Variants in CORO1C observed in about 807,000 individuals in gnomAD.
The protein encoded by CORO1C is coronin-1C.
CORO1C carries 14 observed loss-of-function variants against 51.2 expected under a neutral mutation model. The observed-to-expected ratio is 0.27, with a 90% CI of 0.18 to 0.43. The LOEUF is 0.43. CORO1C is among the 20% of genes least tolerant of loss of function. CORO1C has a pLI of 1.00. For missense variants in CORO1C, 417 were observed against 607.8 expected (o/e 0.69, Z 3.30); for synonymous variants, 181 against 210.5 (o/e 0.86, Z 1.21).
chr12:108,729,732 A>AT (rs2136895581), intron 1 of CORO1C, among the ~76,000 whole-genome samples: 1 of 152,362 alleles, frequency 6.6e-6, no homozygotes, highest in East Asian at 1.9e-4. Context: ...TCTGAAATGT[A>AT]TAGAACCAAG....
At position 108,695,851 on chromosome 12, in the gene CORO1C, T is replaced by TAAAAAAAA. The variant is rs924887183; in HGVS notation, c.195+5265_195+5272dup. Among the ~76,000 whole-genome samples the TAAAAAAAA allele has an allele frequency of 2.3e-3, 143 of 62,454 alleles. 7 individuals are homozygous for TAAAAAAAA. The highest frequency in any genetic ancestry group is 6.7e-3 in the African/African-American group (122 of 18,156). 41.0% of individuals were successfully genotyped at this position (62,454 alleles called of 152,430 possible). A position where few individuals can be genotyped will look rare whatever the true frequency, so the allele number is the denominator to read the frequency against. On this transcript the variant is annotated intron_variant, in intron 2 of 10. Transcript: ENST00000261401. ...GGCTATGTATCACCCTTGGGAGAAC[T>TAAAAAAAA]AAAAAAAAAAAAAAAAAAAAAAAAC...
rs10450768 is a variant in CORO1C at position 108,646,736 on chromosome 12, C to T, written c.*667G>A. 63 of 152,514 alleles carry T rather than the reference C, an allele frequency of 4.1e-4. No individual in the cohort carries two copies. Among genetic ancestry groups the T allele is most frequent in the African/African-American group, 1.4e-3 (60 of 41,560 alleles). 9.4% of individuals were successfully genotyped at this position (152,514 alleles called of 1,614,324 possible). ...TGAGAGCGGTGGTAATATGAATCCA[C>T]GTGATTTTTCAAGTCTTCCTGTTGT... On this transcript the variant is annotated 3_prime_UTR_variant, in exon 11 of 11. Coordinates refer to ENST00000261401, the MANE Select transcript of CORO1C (RefSeq NM_014325.4).
chr12:108,649,782 C>T (rs1485823274), intron 8 of CORO1C: 2 of 152,232 alleles, frequency 1.3e-5, no homozygotes, highest in African/African-American at 4.8e-5. Context: ...GTCTCTAAAG[C>T]TCCTGGCAAG....
In CORO1C at chr12:108,700,907, T is replaced by C. The variant is rs182169056; in HGVS notation, c.195+217A>G. 5.6e-5 allele frequency: 30 copies of C among 537,088 alleles called. No individual in the cohort carries two copies. In the East Asian group the frequency reaches 8.5e-4, roughly 15 times the overall value. The allele number at this position is 537,088 out of a possible 1,614,324, so 33.3% of individuals were successfully genotyped here. ...ATCGTTATAATAATTTTTTCATCCA[T>C]AGAGGGCATCCCCAGAACAGAGGTC... On this transcript the variant is annotated intron_variant, in intron 2 of 10. Coordinates refer to ENST00000261401, the MANE Select transcript of CORO1C (RefSeq NM_014325.4).
chr12:108,702,857 A>G, intron 1 of CORO1C: 1 of 1,533,570 alleles, frequency 6.5e-7, no homozygotes, highest in Non-Finnish European at 8.7e-7. Context: ...GCCGGGCTGA[A>G]GTAAGAGACC....
chr12:108,697,428 A>T (rs1015089558), intron 2 of CORO1C, among the ~76,000 whole-genome samples: 4 of 152,352 alleles, frequency 2.6e-5, no homozygotes, highest in Non-Finnish European at 5.9e-5. Flanking sequence ...ATCAACATGT[A>T]TTGGAGCCTA....
intron 2 of CORO1C, among the ~76,000 whole-genome samples, chr12:108,681,068 C>T (rs915887150): frequency 2.0e-5 from 3 of 152,170 alleles, no homozygotes; most frequent in Non-Finnish European, 4.4e-5. Context: ...TGTGGCCATT[C>T]ACAGGCACAA....
rs113670826 is a variant in CORO1C at position 108,673,845 on chromosome 12, T to C, written c.318+4427A>G. 4.4e-3 allele frequency among the ~76,000 whole-genome samples: 668 copies of C among 152,140 alleles called. 10 individuals carry two copies. Among genetic ancestry groups the C allele is most frequent in the African/African-American group, 0.015 (611 of 41,514 alleles). On this transcript the variant is annotated intron_variant, in intron 3 of 10. Transcript: ENST00000261401. ...TATACATATGTAACTAACCTGCACA[T>C]TGTGCACATGTACCCTAAAACTTAA... is the stretch of plus-strand genomic sequence containing the variant.
intron 1 of CORO1C, among the ~76,000 whole-genome samples, chr12:108,711,696 ACTTAT>A (rs1031977290): frequency 1.1e-4 from 17 of 151,932 alleles, no homozygotes; most frequent in Admixed American, 6.6e-4. Context: ...AAAAAAAAAA[ACTTAT>A]CTTATAAGCT....
intron 2 of CORO1C, among the ~76,000 whole-genome samples, chr12:108,691,332 G>C (rs140851075): frequency 6.6e-6 from 1 of 152,198 alleles, no homozygotes. Context: ...CAGATGATTT[G>C]CTACATGTGG....
At chr12:108,692,917 C>T (rs955896608) in intron 2 of CORO1C, among the ~76,000 whole-genome samples, 1 of 150,974 alleles carries the variant, frequency 6.6e-6, no homozygotes, top group African/African-American at 2.4e-5. Context: ...CCTGTCTCAG[C>T]CTCCCGATTA....
Position 108,658,668 on chromosome 12 carries a change from C to T in CORO1C, c.630+70G>A. ...CCCACTGACCAGTACCGCTGCCTGC[C>T]TTAAAAAGCAGAAAGCTCACACTCA... On this transcript the variant is annotated intron_variant, in intron 5 of 10. Transcript: ENST00000261401. The surrounding 1 kb of genome is among the most constrained non-coding windows in gnomAD (Gnocchi z 4.9). 2 of 1,529,816 alleles carry T rather than the reference C, an allele frequency of 1.3e-6. No homozygotes were observed. Among genetic ancestry groups the T allele is most frequent in the South Asian group, 1.2e-5 (1 of 85,864 alleles). 94.8% of individuals were successfully genotyped at this position (1,529,816 alleles called of 1,614,324 possible).
At chr12:108,713,261 G>A (rs2035234047) in intron 1 of CORO1C, among the ~76,000 whole-genome samples, 1 of 152,206 alleles carries the variant, frequency 6.6e-6, no homozygotes, top group East Asian at 1.9e-4. Flanking sequence ...TGGACTTGTT[G>A]AAAAAAATGT....
intron 4 of CORO1C, among the ~76,000 whole-genome samples, chr12:108,659,954 T>C (rs1030526601): frequency 1.3e-5 from 2 of 152,224 alleles, no homozygotes; most frequent in African/African-American, 4.8e-5. Context: ...CACCAACTCC[T>C]TCCTTCCTTC....
intron 2 of CORO1C, among the ~76,000 whole-genome samples, chr12:108,693,582 C>T (rs745893313): frequency 2.0e-5 from 3 of 152,174 alleles, no homozygotes; most frequent in Non-Finnish European, 2.9e-5. Context: ...GGATTTTCTA[C>T]CAAAAAGCTA....
At chr12:108,712,147 G>A (rs1162849382) in intron 1 of CORO1C, among the ~76,000 whole-genome samples, 3 of 152,152 alleles carry the variant, frequency 2.0e-5, no homozygotes, top group Non-Finnish European at 4.4e-5. Flanking sequence ...TTACCTGTAT[G>A]GCAGGTACTT....
At chr12:108,705,833 T>G (rs2136870177) in intron 1 of CORO1C, among the ~76,000 whole-genome samples, 1 of 152,214 alleles carries the variant, frequency 6.6e-6, no homozygotes. Context: ...GAAAATCAAT[T>G]AACGTAACAC....
intron 1 of CORO1C, among the ~76,000 whole-genome samples, chr12:108,715,472 G>A (rs1443048924): frequency 6.6e-6 from 1 of 152,130 alleles, no homozygotes; most frequent in Non-Finnish European, 1.5e-5. Context: ...TAATGTGCAA[G>A]GATGACATGT....
chr12:108,703,717 C>T (rs374057495), intron 1 of CORO1C, among the ~76,000 whole-genome samples: 1 of 152,206 alleles, frequency 6.6e-6, no homozygotes, highest in African/African-American at 2.4e-5. Flanking sequence ...CCCAGGGCTG[C>T]ACAACCAGGG....
Sources: allele counts gnomAD v4.1 joint callset (sites outside exome capture counted in the v4.1 genomes callset), GRCh38; gene constraint gnomAD v4.1.1; non-coding constraint Gnocchi (gnomAD v3.1); transcripts MANE v1.5; gene names NCBI Gene and HGNC (gene_info 2026-07-23, HGNC 2026-07-21).